Variants in KDM5A observed in about 807,000 individuals in gnomAD.
KDM5A encodes lysine-specific demethylase 5A.
In KDM5A, 42 loss-of-function variants were observed where a neutral mutation model predicts 193.5. The ratio of observed to expected loss-of-function variants is 0.22; its 90% CI spans 0.17 to 0.28. KDM5A has a LOEUF of 0.28. Ranked by LOEUF, KDM5A falls within the 10% of genes least tolerant of loss-of-function variation. The pLI is 1.00. For synonymous variants in KDM5A, 796 were observed against 718.1 expected, an observed-to-expected ratio of 1.11 and a Z score of -1.73; for missense variants, 1,692 against 2,055.1, an observed-to-expected ratio of 0.82 and a Z score of 3.42.
chr12:383,194 G>A (rs1441603760), intron 3 of KDM5A, among the ~76,000 whole-genome samples: 1 of 144,664 alleles, frequency 6.9e-6, no homozygotes, highest in Admixed American at 7.3e-5. Flanking sequence ...AGAAACATGA[G>A]TTTCTTTAAT....
At chr12:352,351 A>G in intron 8 of KDM5A, 27 bp from the exon 9 acceptor site, 2 of 1,602,436 alleles carry the variant, frequency 1.2e-6, no homozygotes, top group Non-Finnish European at 1.7e-6. Context: ...TGTAAGATTA[A>G]CTTACTGAAA....
rs138301570 is a variant in KDM5A at position 360,759 on chromosome 12, G to T, written c.672+2204C>A. 2.7e-3 allele frequency among the ~76,000 whole-genome samples: 415 copies of T among 152,316 alleles called. 2 individuals carry two copies. Among genetic ancestry groups the T allele is most frequent in the African/African-American group, 9.6e-3 (398 of 41,570 alleles). ...AAAAGAGGCAAGGATAAGGCATCAT[G>T]TAAGAAGAGGGCTTTTATGTTTAAG... is the stretch of plus-strand genomic sequence containing the variant. On this transcript the variant is annotated intron_variant, in intron 5 of 27. Transcript: ENST00000399788.
At position 353,983 on chromosome 12, in the gene KDM5A, G is replaced by A. The variant is rs1944196248; in HGVS notation, c.1029+93C>T. The A allele has an allele frequency of 4.1e-6, 4 of 977,568 alleles. No homozygotes were observed. The African/African-American group carries it at 6.6e-5, about 16-fold the overall frequency. The allele number at this position is 977,568 out of a possible 1,614,324, so 60.6% of individuals were successfully genotyped here. A position where few individuals can be genotyped will look rare whatever the true frequency, so the allele number is the denominator to read the frequency against. ...ACATAATGAAGACAGAATGACAAAA[G>A]GAAACATATTTGGGAATATGTTTAT... On this transcript the variant is annotated intron_variant, in intron 8 of 27. Transcript: ENST00000399788.
chr12:295,665 G>A lies in KDM5A; in HGVS notation c.4363C>T (p.Leu1455=). 6.2e-7 allele frequency: 1 copy of A among 1,614,100 alleles called. No individual in the cohort carries two copies. Among genetic ancestry groups the A allele is most frequent in the South Asian group, 1.1e-5 (1 of 91,076 alleles). The change falls in exon 26 of 28, where the codon CTG becomes TTG. Residue 1455 remains leucine, a synonymous_variant. Coordinates refer to ENST00000399788, the MANE Select transcript of KDM5A (RefSeq NM_001042603.3). ...TGAGTCTCGTCCAGAGATACTTCCAGGAGATCTCCAACCATCATAAGTTCT... is the reference window on the plus strand; with the variant it reads ...TGAGTCTCGTCCAGAGATACTTCCAAGAGATCTCCAACCATCATAAGTTCT... ...LEELMMVGDL[L]EVSLDETQHI...
intron 24 of KDM5A, among the ~76,000 whole-genome samples, chr12:301,119 T>C (rs1943435783): frequency 6.6e-6 from 1 of 152,208 alleles, no homozygotes; most frequent in African/African-American, 2.4e-5. Context: ...TCTGGTACCA[T>C]TCCTTCTGAA....
chr12:350,377 G>A (rs181873052), intron 10 of KDM5A, among the ~76,000 whole-genome samples: 46 of 150,502 alleles, frequency 3.1e-4, no homozygotes, highest in African/African-American at 9.8e-4. Flanking sequence ...TGGAGGTTGC[G>A]GTGAGCTAAG....
chr12:310,078 G>A, intron 21 of KDM5A, 114 bp from the exon 22 acceptor site: 1 of 1,038,648 alleles, frequency 9.6e-7, no homozygotes, highest in Non-Finnish European at 1.4e-6. Context: ...ACTTTCTTAA[G>A]GACTTTATAC....
intron 24 of KDM5A, 108 bp from the exon 25 acceptor site, chr12:297,308 T>C (rs1052014652): frequency 2.3e-6 from 2 of 881,962 alleles, no homozygotes; most frequent in African/African-American, 3.4e-5. Context: ...ATACTAAAAA[T>C]ATGAGATTAA....
intron 27 of KDM5A, among the ~76,000 whole-genome samples, chr12:288,373 C>T (rs1361272424): frequency 6.6e-6 from 1 of 152,112 alleles, no homozygotes; most frequent in Non-Finnish European, 1.5e-5. Flanking sequence ...CAGCTATGAA[C>T]TGTTCAAATA....
intron 12 of KDM5A, among the ~76,000 whole-genome samples, chr12:332,770 TTA>T (rs1430326575): frequency 6.6e-6 from 1 of 152,154 alleles, no homozygotes; most frequent in Non-Finnish European, 1.5e-5. Context: ...TTATTGGTTA[TTA>T]GTTATTAGGA....
At chr12:376,682 G>A (rs191735806) in intron 3 of KDM5A, among the ~76,000 whole-genome samples, 1 of 152,334 alleles carries the variant, frequency 6.6e-6, no homozygotes, top group African/African-American at 2.4e-5. Context: ...CACGCTGGGA[G>A]CTGTAGACCG....
chr12:289,292 CTTGTT>C (rs1025503857), intron 27 of KDM5A, among the ~76,000 whole-genome samples: 1 of 152,016 alleles, frequency 6.6e-6, no homozygotes, highest in African/African-American at 2.4e-5. Context: ...TTCTAGTTAA[CTTGTT>C]TTATCTTTGG....
At chr12:366,861 T>C (rs898473894) in intron 3 of KDM5A, among the ~76,000 whole-genome samples, 4 of 152,196 alleles carry the variant, frequency 2.6e-5, no homozygotes, top group Non-Finnish European at 5.9e-5. Context: ...TGGTCAAATA[T>C]AGACCGCATA....
intron 18 of KDM5A, 113 bp from the exon 19 acceptor site, chr12:318,574 CATCAT>C: frequency 1.4e-6 from 1 of 721,152 alleles, no homozygotes; most frequent in East Asian, 2.6e-5. Context: ...ATAATCTCAC[CATCAT>C]AACACCAAAT....
intron 2 of KDM5A, among the ~76,000 whole-genome samples, chr12:384,807 A>G (rs1236611497): frequency 2.0e-5 from 3 of 152,232 alleles, no homozygotes; most frequent in Admixed American, 2.0e-4. Flanking sequence ...TCCATATGTA[A>G]CATGCACACT....
intron 3 of KDM5A, among the ~76,000 whole-genome samples, chr12:381,009 T>G (rs1013263521): frequency 2.1e-5 from 3 of 140,712 alleles, no homozygotes; most frequent in Non-Finnish European, 3.1e-5. Flanking sequence ...TTTTTTTTTT[T>G]AGACGGAGTT....
rs1415845372 is a variant in KDM5A, at chr12:323,787, A to G, written c.1969-6T>C. The G allele has an allele frequency of 6.2e-7, 1 of 1,610,946 alleles. No homozygotes were observed. The highest frequency in any genetic ancestry group is 8.5e-7 in the Non-Finnish European group (1 of 1,177,096). On this transcript the variant is annotated splice_polypyrimidine_tract_variant and splice_region_variant and intron_variant, in intron 14 of 27. Transcript: ENST00000399788. ...TCTTCTGACATCAGGACACCCTGAA[A>G]TATAATTTATTTCACTAGATCAAGT...
At chr12:299,419 A>C (rs889929033) in intron 24 of KDM5A, among the ~76,000 whole-genome samples, 1 of 152,250 alleles carries the variant, frequency 6.6e-6, no homozygotes, top group African/African-American at 2.4e-5. Context: ...AAGAATTTTC[A>C]ACTCAGAATT....
intron 20 of KDM5A, among the ~76,000 whole-genome samples, chr12:312,443 A>G (rs1943599787): frequency 6.6e-6 from 1 of 152,210 alleles, no homozygotes; most frequent in African/African-American, 2.4e-5. Context: ...ATTTATGCAC[A>G]TGGAAAAAAA....
Sources: gnomAD v4.1 joint callset for allele counts (sites outside exome capture counted in the v4.1 genomes callset) on GRCh38, gnomAD v4.1.1 for gene constraint, MANE v1.5 for transcripts, NCBI Gene and HGNC (gene_info 2026-07-23, HGNC 2026-07-21) for gene names.